Variants in PRICKLE2 observed in about 807,000 individuals in gnomAD.
PRICKLE2 encodes prickle-like protein 2.
PRICKLE2 carries 21 observed loss-of-function variants against 81.4 expected under a neutral mutation model. The ratio of observed to expected loss-of-function variants is 0.26; its 90% confidence interval spans 0.18 to 0.37. The LOEUF is 0.37. PRICKLE2 is among the 10% of genes least tolerant of loss of function. The pLI, the probability that PRICKLE2 is intolerant of heterozygous loss-of-function variation, is 1.00. For missense variants in PRICKLE2, 940 were observed against 1,109.0 expected (o/e 0.85, Z 2.16); for synonymous variants, 456 against 421.5 (o/e 1.08, Z -1.00).
chr3:64,217,603 G>C (rs1209883420), intron 1 of PRICKLE2, among the ~76,000 whole-genome samples: 1 of 152,180 alleles, frequency 6.6e-6, no homozygotes, highest in African/African-American at 2.4e-5. Context: ...ACTGGAAAGA[G>C]AATCAACTTC....
chr3:64,177,648 C>T (rs934421740), intron 2 of PRICKLE2, among the ~76,000 whole-genome samples: 1 of 152,156 alleles, frequency 6.6e-6, no homozygotes, highest in Non-Finnish European at 1.5e-5. Flanking sequence ...CTAGATACTT[C>T]ATATAAGTGG....
chr3:64,199,373 T>C, intron 1 of PRICKLE2: 1 of 212,100 alleles, frequency 4.7e-6, no homozygotes, highest in Non-Finnish European at 9.5e-6. Flanking sequence ...AAGTGTTACT[T>C]GTAGATTTAA....
At chr3:64,166,546 A>G (rs2077835933) in intron 2 of PRICKLE2, among the ~76,000 whole-genome samples, 1 of 152,186 alleles carries the variant, frequency 6.6e-6, no homozygotes, top group South Asian at 2.1e-4. Flanking sequence ...TTTCCTGGAC[A>G]TCTTTTGTCA....
intron 6 of PRICKLE2, among the ~76,000 whole-genome samples, chr3:64,151,034 C>T (rs1214268069): frequency 1.3e-5 from 2 of 152,230 alleles, no homozygotes; most frequent in African/African-American, 2.4e-5. Flanking sequence ...ACTGCTGCCA[C>T]AGCCTCGGTC....
rs796940955 is a variant in PRICKLE2, at chr3:64,258,893, G to GAAAGAAAGAAAT, written c.129-59927_129-59926insATTTCTTTCTTT. Among the ~76,000 whole-genome samples the GAAAGAAAGAAAT allele has an allele frequency of 1.3e-3, 180 of 140,720 alleles. 4 individuals are homozygous for GAAAGAAAGAAAT. Among genetic ancestry groups the GAAAGAAAGAAAT allele is most frequent in the East Asian group, 4.8e-3 (22 of 4,600 alleles). 92.3% of individuals were successfully genotyped at this position (140,720 alleles called of 152,430 possible). A position where few individuals can be genotyped will look rare whatever the true frequency, so the allele number is the denominator to read the frequency against. On this transcript the variant is annotated intron_variant, in intron 2 of 8. Transcript: ENST00000295902. ...AGAAAGAAAGAAAGAAAGAAAGAAA[G>GAAAGAAAGAAAT]AAATCAGGAGAGTGGTTAGAATTAA...
intron 7 of PRICKLE2, among the ~76,000 whole-genome samples, chr3:64,134,805 A>T (rs1037495166): frequency 6.6e-6 from 1 of 152,186 alleles, no homozygotes; most frequent in African/African-American, 2.4e-5. Context: ...TTTGAGTATA[A>T]AGAAAGAAAA....
intron 2 of PRICKLE2, among the ~76,000 whole-genome samples, chr3:64,263,696 G>A (rs1341736794): frequency 6.6e-6 from 1 of 152,138 alleles, no homozygotes; most frequent in Non-Finnish European, 1.5e-5. Context: ...CAAGAAAGTG[G>A]CACCTACATC....
At chr3:64,130,561 A>G (rs1199579329) in intron 7 of PRICKLE2, among the ~76,000 whole-genome samples, 3 of 152,178 alleles carry the variant, frequency 2.0e-5, no homozygotes, top group Non-Finnish European at 4.4e-5. Context: ...TGAGCTCTCT[A>G]TCTCTTAGGA....
chr3:64,118,472 T>A (rs924002807), intron 7 of PRICKLE2, among the ~76,000 whole-genome samples: 35 of 152,158 alleles, frequency 2.3e-4, no homozygotes, highest in Admixed American at 2.0e-3. Context: ...ATATCCAACA[T>A]CTATAAGGAA....
At chr3:64,249,635 C>T (rs1575713494) in intron 2 of PRICKLE2, among the ~76,000 whole-genome samples, 1 of 152,220 alleles carries the variant, frequency 6.6e-6, no homozygotes, top group African/African-American at 2.4e-5. Flanking sequence ...GAAGACTCCA[C>T]AGCTCTTTTC....
In PRICKLE2 at chr3:64,153,154, C is replaced by T. The variant is rs201025000; in HGVS notation, c.787+28G>A. ...CAAAGGTGACCGCATCACAGAAGGA[C>T]CAAGCTGACTGCCAAATATTGCCTC... is the stretch of plus-strand genomic sequence containing the variant. On this transcript the variant is annotated intron_variant, in intron 6 of 7. Transcript: ENST00000638394. 184 of 1,610,458 alleles carry T rather than the reference C, an allele frequency of 1.1e-4. 1 individual carries two copies. The African/African-American group carries it at 2.1e-3, about 18-fold the overall frequency.
At chr3:64,114,062 A>C (rs2076894572) in intron 7 of PRICKLE2, among the ~76,000 whole-genome samples, 1 of 152,132 alleles carries the variant, frequency 6.6e-6, no homozygotes, top group African/African-American at 2.4e-5. Flanking sequence ...GCCCAATACA[A>C]GTCCCCCAGA....
intron 2 of PRICKLE2, among the ~76,000 whole-genome samples, chr3:64,257,207 A>T (rs2079538680): frequency 6.6e-6 from 1 of 152,234 alleles, no homozygotes; most frequent in African/African-American, 2.4e-5. Flanking sequence ...TGGCTGAGTT[A>T]AACCAGTGGT....
At chr3:64,228,287 G>A (rs978650909), upstream of PRICKLE2, among the ~76,000 whole-genome samples, 2 of 152,184 alleles carry the variant, frequency 1.3e-5, no homozygotes, top group African/African-American at 2.4e-5. Context: ...AATTAGAGTA[G>A]AATGGGGTGT....
At chr3:64,107,972 T>G (rs1227020498) in intron 7 of PRICKLE2, among the ~76,000 whole-genome samples, 1 of 152,180 alleles carries the variant, frequency 6.6e-6, no homozygotes, top group Non-Finnish European at 1.5e-5. Context: ...TTTGCTGAGA[T>G]AGAAACATGG....
intron 2 of PRICKLE2, among the ~76,000 whole-genome samples, chr3:64,257,176 C>T (rs951920895): frequency 3.9e-5 from 6 of 152,138 alleles, no homozygotes; most frequent in African/African-American, 1.4e-4. Flanking sequence ...TTCAGCCTTC[C>T]CCTATATAAG....
chr3:64,211,933 T>A (rs1200685721), intron 1 of PRICKLE2, among the ~76,000 whole-genome samples: 1 of 152,190 alleles, frequency 6.6e-6, no homozygotes, highest in Non-Finnish European at 1.5e-5. Flanking sequence ...GTCACTGAGA[T>A]GTTGACAGGA....
intron 1 of PRICKLE2, among the ~76,000 whole-genome samples, chr3:64,203,978 AAC>A (rs143156633): frequency 4.6e-5 from 7 of 151,038 alleles, no homozygotes; most frequent in Non-Finnish European, 5.9e-5. Flanking sequence ...ATGCTGTCTC[AAC>A]ACACACACAC....
intron 2 of PRICKLE2, among the ~76,000 whole-genome samples, chr3:64,258,316 G>A (rs1219235626): frequency 6.6e-6 from 1 of 152,068 alleles, no homozygotes; most frequent in Non-Finnish European, 1.5e-5. Context: ...CAGAAACTAA[G>A]GAAACTCCCA....
Sources: gnomAD v4.1 joint callset for allele counts (sites outside exome capture counted in the v4.1 genomes callset) on GRCh38, gnomAD v4.1.1 for gene constraint, MANE v1.5 for transcripts, NCBI Gene and HGNC (gene_info 2026-07-23, HGNC 2026-07-21) for gene names.